SCOC: variants seen among roughly 807,000 people sequenced by gnomAD.
The protein encoded by SCOC is short coiled coil protein.
Under a neutral mutation model 9.9 loss-of-function variants are expected in SCOC, and 7 were observed. The observed-to-expected ratio is 0.71, with a 90% CI of 0.40 to 1.33. SCOC has a LOEUF of 1.33. SCOC is among the 40% of genes most tolerant of loss of function. The pLI, the probability that SCOC is intolerant of heterozygous loss-of-function variation, is 0.01. For synonymous variants in SCOC, 19 were observed against 28.2 expected, an observed-to-expected ratio of 0.67 and a Z score of 1.03; for missense variants, 66 against 89.7, an observed-to-expected ratio of 0.74 and a Z score of 1.07.
chr4:140,291,938 C>T (rs1731485026), intron 1 of SCOC, among the ~76,000 whole-genome samples: 1 of 152,266 alleles, frequency 6.6e-6, no homozygotes, highest in East Asian at 1.9e-4. Context: ...TTTATAGTGT[C>T]ATTCTACCTA....
At chr4:140,259,526 T>G (rs1730582650) in intron 1 of SCOC, among the ~76,000 whole-genome samples, 1 of 152,024 alleles carries the variant, frequency 6.6e-6, no homozygotes, top group Admixed American at 6.6e-5. Flanking sequence ...GGGAGTGCAG[T>G]CAAGGCAGAA....
In SCOC at chr4:140,293,054, C is replaced by T. The variant is rs190758905; in HGVS notation, c.-19+35644C>T. 6.5e-4 allele frequency among the ~76,000 whole-genome samples: 99 copies of T among 152,346 alleles called. 1 individual carries two copies. The highest frequency in any genetic ancestry group is 2.2e-3 in the African/African-American group (90 of 41,576). On this transcript the variant is annotated intron_variant, in intron 1 of 4. Transcript: ENST00000394205. ...TATGTCAACTGCTCTTGGTTTCTCA[C>T]GATTCCCCTGTAGAACACTTGTACC...
At chr4:140,333,594 T>C (rs1417049480) in intron 1 of SCOC, among the ~76,000 whole-genome samples, 2 of 152,172 alleles carry the variant, frequency 1.3e-5, no homozygotes, top group African/African-American at 4.8e-5. Flanking sequence ...CTAGGTAACT[T>C]ATATACTGAC....
intron 1 of SCOC, among the ~76,000 whole-genome samples, chr4:140,262,805 A>G (rs1001642776): frequency 2.0e-5 from 3 of 150,440 alleles, no homozygotes; most frequent in East Asian, 3.9e-4. Context: ...AACCTCTTAC[A>G]TGGCAGCAGG....
chr4:140,354,587 G>T lies in SCOC; in HGVS notation c.70+10879G>T, dbSNP rs1341155236. Among the ~76,000 whole-genome samples, 6 of 147,490 alleles carry T rather than the reference G, an allele frequency of 4.1e-5. No individual in the cohort carries two copies. The East Asian group carries it at 1.2e-3, about 29-fold the overall frequency. On this transcript the variant is annotated intron_variant, in intron 2 of 4. Coordinates refer to the SCOC transcript ENST00000338517. Reference sequence around the variant, plus strand: ...AACTCCTCTATTTGTCCATTTTGTAGGTTGGGACATTTATGCTTTTTAGGT... The same window carrying T: ...AACTCCTCTATTTGTCCATTTTGTATGTTGGGACATTTATGCTTTTTAGGT...
intron 1 of SCOC, among the ~76,000 whole-genome samples, chr4:140,320,343 C>T (rs1732463365): frequency 6.6e-6 from 1 of 152,184 alleles, no homozygotes; most frequent in African/African-American, 2.4e-5. Context: ...TCATCAAGAA[C>T]CATAAAAATG....
At chr4:140,309,326 A>G (rs1369080683) in intron 1 of SCOC, among the ~76,000 whole-genome samples, 1 of 152,184 alleles carries the variant, frequency 6.6e-6, no homozygotes, top group Non-Finnish European at 1.5e-5. Flanking sequence ...CATCCTGCAG[A>G]ATGGAAGACC....
At chr4:140,344,384 A>G (rs943466824) in intron 2 of SCOC, among the ~76,000 whole-genome samples, 1 of 152,192 alleles carries the variant, frequency 6.6e-6, no homozygotes, top group Non-Finnish European at 1.5e-5. Context: ...GCGCAATCAT[A>G]GTATGAAGCC....
intron 1 of SCOC, among the ~76,000 whole-genome samples, chr4:140,267,713 C>G (rs1038782028): frequency 6.6e-6 from 1 of 152,112 alleles, no homozygotes; most frequent in East Asian, 1.9e-4. Flanking sequence ...CCCTGAGCTC[C>G]GGGAACCCCC....
intron 2 of SCOC, among the ~76,000 whole-genome samples, chr4:140,359,228 C>G (rs1727359923): frequency 6.6e-6 from 1 of 152,172 alleles, no homozygotes; most frequent in African/African-American, 2.4e-5. Flanking sequence ...CTGCGGTCAT[C>G]TGAAGTTAGA....
Position 140,373,669 on chromosome 4 carries a change from C to A in SCOC, c.-99C>A, listed in dbSNP as rs1167333131. 11 of 1,551,034 alleles carry A rather than the reference C, an allele frequency of 7.1e-6. No homozygotes were observed. The highest frequency in any genetic ancestry group is 9.6e-6 in the Non-Finnish European group (11 of 1,146,958). On this transcript the variant is annotated 5_prime_UTR_variant, in exon 1 of 4. Transcript: ENST00000608372. The stretch of plus-strand genomic sequence containing the variant: ...GGGTCAGTTGGTCCAAGTGTCCCGG[C>A]CTGAGGTGTCGGCCGGATCCCTCCT...
intron 2 of SCOC, among the ~76,000 whole-genome samples, chr4:140,358,109 T>TA (rs1336336486): frequency 6.6e-6 from 1 of 152,178 alleles, no homozygotes; most frequent in Non-Finnish European, 1.5e-5. Context: ...GTCCTTCCCC[T>TA]GATTCACACT....
At chr4:140,378,937 G>A (rs1278778461) in intron 1 of SCOC, among the ~76,000 whole-genome samples, 184 bp from the exon 2 acceptor site, 11 of 152,034 alleles carry the variant, frequency 7.2e-5, no homozygotes, top group East Asian at 1.9e-4. Context: ...TTATCAAGAA[G>A]CTCAACATTT....
At chr4:140,268,570 CAG>C (rs1730778256) in intron 1 of SCOC, among the ~76,000 whole-genome samples, 1 of 152,262 alleles carries the variant, frequency 6.6e-6, no homozygotes, top group South Asian at 2.1e-4. Flanking sequence ...TGGATAATCA[CAG>C]AGAGTAATGT....
At chr4:140,342,738 T>C (rs1012673938), upstream of SCOC, among the ~76,000 whole-genome samples, 18 of 152,224 alleles carry the variant, frequency 1.2e-4, no homozygotes, top group Non-Finnish European at 2.2e-4. Context: ...ATAGTTTTGC[T>C]TTGTGTCTGT....
At chr4:140,316,645 T>A (rs949982919) in intron 1 of SCOC, among the ~76,000 whole-genome samples, 1 of 152,104 alleles carries the variant, frequency 6.6e-6, no homozygotes, top group African/African-American at 2.4e-5. Flanking sequence ...GGGGATTTAT[T>A]CAAAGTGCCT....
chr4:140,259,859 G>A (rs559388349), intron 1 of SCOC, among the ~76,000 whole-genome samples: 2 of 152,012 alleles, frequency 1.3e-5, no homozygotes, highest in East Asian at 3.9e-4. Flanking sequence ...TCTATTTCCC[G>A]CCATTCTTGA....
intron 2 of SCOC, among the ~76,000 whole-genome samples, chr4:140,367,127 C>T (rs1422057745): frequency 6.6e-6 from 1 of 151,862 alleles, no homozygotes; most frequent in Non-Finnish European, 1.5e-5. Flanking sequence ...ATCACTTGAA[C>T]CTGGGAGGTG....
At chr4:140,378,755 A>C (rs2126599494) in intron 1 of SCOC, among the ~76,000 whole-genome samples, 1 of 152,280 alleles carries the variant, frequency 6.6e-6, no homozygotes, top group Middle Eastern at 3.4e-3. Flanking sequence ...TCAGTTAAAA[A>C]AGATGTAAAT....
Sources: gnomAD v4.1 joint callset for allele counts (sites outside exome capture counted in the v4.1 genomes callset) on GRCh38, gnomAD v4.1.1 for gene constraint, MANE v1.5 for transcripts, NCBI Gene and HGNC (gene_info 2026-07-23, HGNC 2026-07-21) for gene names.